The following RIMS2 variants were observed in gnomAD, a reference collection of about 807,000 sequenced individuals.
RIMS2 encodes the protein regulating synaptic membrane exocytosis 2.
In RIMS2, 59 loss-of-function variants were observed where a neutral mutation model predicts 174.4. That is an observed-to-expected ratio of 0.34 (90% CI 0.27 to 0.42). The LOEUF is 0.42. Ranked by LOEUF, RIMS2 falls within the 10% of genes least tolerant of loss-of-function variation. The probability of loss-of-function intolerance (pLI) is 1.00; values close to 1 mark genes in which losing one functional copy is unlikely to be tolerated. For missense variants in RIMS2, 1,620 were observed against 1,666.3 expected (o/e 0.97, Z 0.48); for synonymous variants, 606 against 572.5 (o/e 1.06, Z -0.84).
In RIMS2 at chr8:104,025,708, T is replaced by TACACACACAC. The variant is rs34638633; in HGVS notation, c.3334+11109_3334+11118dup. On this transcript the variant is annotated intron_variant, in intron 19 of 23. Transcript: ENST00000504942. ...CACCCTGAAGCAGTTGTTAAACGTA[T>TACACACACAC]ACACACACACACACACACACACACA... is the stretch of plus-strand genomic sequence containing the variant. Among the ~76,000 whole-genome samples, 323 of 149,370 alleles carry TACACACACAC rather than the reference T, an allele frequency of 2.2e-3. 1 individual carries two copies. The highest frequency in any genetic ancestry group is 3.4e-3 in the Non-Finnish European group (227 of 67,312).
intron 1 of RIMS2, among the ~76,000 whole-genome samples, chr8:103,664,380 T>C (rs1205762288): frequency 6.6e-6 from 1 of 152,202 alleles, no homozygotes; most frequent in Admixed American, 6.5e-5. Flanking sequence ...TCTACCCATC[T>C]GACAAAGGGC....
At chr8:104,141,176 C>A (rs1230242008) in intron 19 of RIMS2, among the ~76,000 whole-genome samples, 1 of 151,952 alleles carries the variant, frequency 6.6e-6, no homozygotes, top group African/African-American at 2.4e-5. Context: ...TGATTAGGTA[C>A]CATGAGCATG....
At chr8:103,707,849 C>G (rs2097252575) in intron 2 of RIMS2, among the ~76,000 whole-genome samples, 1 of 152,204 alleles carries the variant, frequency 6.6e-6, no homozygotes, top group Non-Finnish European at 1.5e-5. Flanking sequence ...TGGGTTTGTA[C>G]TGCCAGGGCA....
At chr8:103,523,468 C>G (rs951156680) in intron 1 of RIMS2, among the ~76,000 whole-genome samples, 1 of 152,016 alleles carries the variant, frequency 6.6e-6, no homozygotes, top group Non-Finnish European at 1.5e-5. Context: ...TTTAAAATAT[C>G]TGTCTTGAAT....
chr8:103,636,882 A>C (rs1050957921), intron 1 of RIMS2, among the ~76,000 whole-genome samples: 3 of 149,400 alleles, frequency 2.0e-5, no homozygotes, highest in African/African-American at 7.4e-5. Flanking sequence ...AAAGAACAAA[A>C]GGAATGTTTG....
intron 19 of RIMS2, among the ~76,000 whole-genome samples, chr8:104,021,492 A>G (rs555599192): frequency 3.3e-5 from 5 of 152,314 alleles, no homozygotes; most frequent in Non-Finnish European, 5.9e-5. Flanking sequence ...AATAATAAAT[A>G]TATCTTCCTA....
intron 3 of RIMS2, chr8:103,880,360 C>G (rs976039785): frequency 2.0e-5 from 5 of 245,292 alleles, no homozygotes; most frequent in Non-Finnish European, 3.9e-5. Flanking sequence ...ATCCTCCTTA[C>G]AGGGTACATT....
intron 1 of RIMS2, among the ~76,000 whole-genome samples, chr8:103,506,129 A>G (rs138989271): frequency 1.3e-5 from 2 of 152,202 alleles, no homozygotes; most frequent in Admixed American, 1.3e-4. Flanking sequence ...GCCATTGCCA[A>G]AAAAATGAAA....
chr8:103,539,036 A>AT (rs1841279804), intron 1 of RIMS2, among the ~76,000 whole-genome samples: 1 of 152,176 alleles, frequency 6.6e-6, no homozygotes, highest in Admixed American at 6.5e-5. Context: ...TTCATAAGTT[A>AT]TTTTTTAGAA....
At chr8:103,834,729 T>TTTCTTTCTTTC (rs2098854237) in intron 3 of RIMS2, among the ~76,000 whole-genome samples, 1 of 136,426 alleles carries the variant, frequency 7.3e-6, no homozygotes, top group East Asian at 2.2e-4. Context: ...TCTTTCTTTC[T>TTTCTTTCTTTC]TTCTTTCTTT....
At chr8:103,874,537 C>T (rs539266714) in intron 3 of RIMS2, among the ~76,000 whole-genome samples, 2 of 152,086 alleles carry the variant, frequency 1.3e-5, no homozygotes, top group South Asian at 4.2e-4. Flanking sequence ...AGCTTGTAAT[C>T]TAACACATTT....
intron 3 of RIMS2, among the ~76,000 whole-genome samples, chr8:103,799,091 G>A (rs765736546): frequency 1.4e-4 from 21 of 152,000 alleles, no homozygotes; most frequent in Non-Finnish European, 2.6e-4. Context: ...TAGCCAGCAA[G>A]AAAATGGGGA....
chr8:103,943,116 A>G (rs1348993698), intron 14 of RIMS2, among the ~76,000 whole-genome samples, 190 bp downstream of exon 16: 1 of 152,184 alleles, frequency 6.6e-6, no homozygotes, highest in Non-Finnish European at 1.5e-5. Flanking sequence ...ATAAGGTTGT[A>G]CCCATAGCAT....
intron 19 of RIMS2, among the ~76,000 whole-genome samples, chr8:104,032,546 T>C (rs182272991): frequency 6.6e-6 from 1 of 152,050 alleles, no homozygotes; most frequent in Non-Finnish European, 1.5e-5. Flanking sequence ...AAGACAAAAC[T>C]TGAACCAAGA....
intron 1 of RIMS2, among the ~76,000 whole-genome samples, chr8:103,696,862 C>CAAA (rs55852238): frequency 0.013 from 657 of 49,730 alleles, 2 homozygotes; most frequent in Non-Finnish European, 0.015. Flanking sequence ...GACTTCGTCT[C>CAAA]AAAAAAAAAA....
chr8:103,943,723 T>G (rs1177220661), intron 14 of RIMS2, among the ~76,000 whole-genome samples: 1 of 152,152 alleles, frequency 6.6e-6, no homozygotes, highest in Admixed American at 6.6e-5. Context: ...CTAATGAATC[T>G]ACTATTGGAG....
At chr8:103,744,649 T>G (rs899122238) in intron 2 of RIMS2, among the ~76,000 whole-genome samples, 3 of 152,210 alleles carry the variant, frequency 2.0e-5, no homozygotes, top group African/African-American at 7.2e-5. Context: ...AATTGCATCC[T>G]GTGCCTCTAT....
chr8:104,159,472 T>C (rs1009336947), intron 19 of RIMS2, among the ~76,000 whole-genome samples: 5 of 152,212 alleles, frequency 3.3e-5, no homozygotes, highest in African/African-American at 1.2e-4. Flanking sequence ...ATTGAACCTA[T>C]AAATTACCTT....
At chr8:103,927,156 T>C (rs1374171206) in intron 10 of RIMS2, among the ~76,000 whole-genome samples, 1 of 151,448 alleles carries the variant, frequency 6.6e-6, no homozygotes, top group Non-Finnish European at 1.5e-5. Flanking sequence ...ATATTGTCAT[T>C]AATAGGTGTG....
Sources: allele counts gnomAD v4.1 joint callset (sites outside exome capture counted in the v4.1 genomes callset), GRCh38; gene constraint gnomAD v4.1.1; transcripts MANE v1.5; gene names NCBI Gene and HGNC (gene_info 2026-07-23, HGNC 2026-07-21).